Variants in SRRM4 observed in about 807,000 individuals in gnomAD.
The protein encoded by SRRM4 is serine/arginine repetitive matrix protein 4.
Under a neutral mutation model 68.9 loss-of-function variants are expected in SRRM4, and 33 were observed. The observed-to-expected ratio is 0.48, with a 90% CI of 0.36 to 0.64. SRRM4 has a LOEUF of 0.64. Among genes scored for constraint, SRRM4 ranks in the 30% least tolerant of loss-of-function variants. The probability of loss-of-function intolerance (pLI) is 0.00; values close to 1 mark genes in which losing one functional copy is unlikely to be tolerated. For missense variants in SRRM4, 817 were observed against 827.1 expected (o/e 0.99, Z 0.15); for synonymous variants, 318 against 318.8 (o/e 1.00, Z 0.03).
intron 1 of SRRM4, among the ~76,000 whole-genome samples, chr12:119,084,101 G>A (rs1953965896): frequency 1.3e-5 from 2 of 152,244 alleles, no homozygotes; most frequent in South Asian, 2.1e-4. Context: ...CTGAGGCAAA[G>A]AGAGGGAAAT....
At chr12:119,002,730 G>A (rs1043773509) in intron 1 of SRRM4, among the ~76,000 whole-genome samples, 3 of 152,216 alleles carry the variant, frequency 2.0e-5, no homozygotes, top group Non-Finnish European at 2.9e-5. Flanking sequence ...CCTAGGTACC[G>A]TGTTTGGTGC....
chr12:119,002,600 T>C (rs1953391663), intron 1 of SRRM4, among the ~76,000 whole-genome samples: 1 of 152,228 alleles, frequency 6.6e-6, no homozygotes, highest in South Asian at 2.1e-4. Context: ...AGTAAGAAGG[T>C]AGATATAAGG....
intron 5 of SRRM4, 63 bp downstream of exon 5, chr12:119,120,339 C>CT (rs201801169): frequency 2.6e-6 from 4 of 1,535,856 alleles, no homozygotes; most frequent in East Asian, 4.9e-5. Context: ...CTTGGGGCAG[C>CT]TTCTAGGTCA....
At chr12:119,078,442 A>C (rs1052373001) in intron 1 of SRRM4, among the ~76,000 whole-genome samples, 2 of 152,228 alleles carry the variant, frequency 1.3e-5, no homozygotes, top group African/African-American at 4.8e-5. Flanking sequence ...TAAGAGCCCT[A>C]GTCACTGCTG....
intron 3 of SRRM4, among the ~76,000 whole-genome samples, chr12:119,116,447 T>C (rs1954180385): frequency 6.6e-6 from 1 of 151,876 alleles, no homozygotes; most frequent in Admixed American, 6.6e-5. Context: ...GAGAGGAGGG[T>C]TGCAGCTTGA....
In SRRM4 at chr12:119,120,270, G is replaced by A. The variant is rs1409945075; in HGVS notation, c.458G>A (p.Arg153Lys). Residue 153 changes from arginine to lysine, a missense_variant, in exon 5 of 13, where the codon AGG (arginine) becomes AAG (lysine). Arg to Lys is a conservative substitution (Grantham distance 26). Transcript: ENST00000267260. ...TTCAGGTCATTCTCCAAGAAGAGAA[G>A]GCACAGGTAAGACTCTTGTTCTCTG... ...KRRRSFSKKR[R>K]HSSSSPKSKR... 6.5e-7 allele frequency: 1 copy of A among 1,549,528 alleles called. No individual in the cohort carries two copies. The highest frequency in any genetic ancestry group is 8.7e-7 in the Non-Finnish European group (1 of 1,146,274).
chr12:119,069,331 G>A (rs939839119), intron 1 of SRRM4, among the ~76,000 whole-genome samples: 1 of 152,180 alleles, frequency 6.6e-6, no homozygotes, highest in Admixed American at 6.5e-5. Context: ...ATCCCCAAGG[G>A]TGGGGCCAAG....
At chr12:119,145,717 G>A (rs568783536) in intron 9 of SRRM4, 32 bp downstream of exon 9, 23 of 1,459,360 alleles carry the variant, frequency 1.6e-5, no homozygotes, top group South Asian at 9.2e-5. Context: ...GGGGGTAGAC[G>A]GTCTCCCACC....
At chr12:119,054,076 T>C (rs941442673) in intron 1 of SRRM4, among the ~76,000 whole-genome samples, 1 of 152,180 alleles carries the variant, frequency 6.6e-6, no homozygotes, top group Non-Finnish European at 1.5e-5. Flanking sequence ...CCTTCTACTC[T>C]CTATGTCCAT....
intron 8 of SRRM4, among the ~76,000 whole-genome samples, chr12:119,140,801 C>T (rs1044988433): frequency 2.0e-5 from 3 of 152,198 alleles, no homozygotes; most frequent in South Asian, 2.1e-4. Flanking sequence ...CCAGGGTCCT[C>T]GGTCTGAGGG....
At chr12:119,087,603 G>A (rs1166194683) in intron 1 of SRRM4, among the ~76,000 whole-genome samples, 1 of 152,208 alleles carries the variant, frequency 6.6e-6, no homozygotes, top group African/African-American at 2.4e-5. Context: ...AGCTGTCGGA[G>A]GAAGCTGGCT....
At position 119,096,034 on chromosome 12, in the gene SRRM4, A is replaced by T. The variant is rs967488355; in HGVS notation, c.132-6202A>T. ...GTTCTCAGTTGATTTTTATTTATTT[A>T]TTTTTTTATGGAGTCTTGCTCTGTG... is the stretch of plus-strand genomic sequence containing the variant. On this transcript the variant is annotated intron_variant, in intron 1 of 12. Transcript: ENST00000267260. Among the ~76,000 whole-genome samples the T allele has an allele frequency of 1.3e-4, 19 of 142,332 alleles. No homozygotes were observed. The East Asian group carries it at 3.2e-3, about 24-fold the overall frequency. 93.4% of individuals were successfully genotyped at this position (142,332 alleles called of 152,430 possible).
intron 1 of SRRM4, among the ~76,000 whole-genome samples, chr12:119,037,396 G>A (rs1340173659): frequency 6.6e-6 from 1 of 152,162 alleles, no homozygotes; most frequent in Non-Finnish European, 1.5e-5. Context: ...TGGGAGGCAG[G>A]GGGAGAGACA....
intron 1 of SRRM4, chr12:119,000,805 C>T (rs1164611736): frequency 2.0e-5 from 3 of 152,156 alleles, no homozygotes; most frequent in African/African-American, 7.2e-5. Context: ...TGTTCATAGT[C>T]ATGGGATCAT....
intron 1 of SRRM4, among the ~76,000 whole-genome samples, chr12:119,061,074 C>T (rs904278779): frequency 3.3e-5 from 5 of 151,996 alleles, no homozygotes; most frequent in African/African-American, 7.3e-5. Flanking sequence ...GGCATGTGTG[C>T]GCATGTGCAC....
chr12:119,065,329 C>A (rs999203248), intron 1 of SRRM4, among the ~76,000 whole-genome samples: 5 of 152,212 alleles, frequency 3.3e-5, no homozygotes, highest in African/African-American at 1.2e-4. Flanking sequence ...GATCCCCTGA[C>A]TGAAACAGGG....
chr12:119,159,332 T>G lies in SRRM4; in HGVS notation c.*2534T>G, dbSNP rs1183864467. ...TGAATTGACACAGTGGAGTTGCAAC[T>G]TAGGTGGGGGTTGGAGTCGAAAGTT... On this transcript the variant is annotated 3_prime_UTR_variant, in exon 13 of 13. Coordinates refer to ENST00000267260, the MANE Select transcript of SRRM4 (RefSeq NM_194286.4). The G allele has an allele frequency of 1.3e-5, 2 of 152,286 alleles. No homozygotes were observed. Among genetic ancestry groups the G allele is most frequent in the African/African-American group, 4.8e-5 (2 of 41,396 alleles). The allele number at this position is 152,286 out of a possible 1,614,324, so 9.4% of individuals were successfully genotyped here.
chr12:119,125,549 A>G (rs1477369686), intron 7 of SRRM4, 70 bp downstream of exon 7: 10 of 1,355,378 alleles, frequency 7.4e-6, no homozygotes, highest in Non-Finnish European at 1.0e-5. Flanking sequence ...TGTTAACACT[A>G]GCTTCGCCTC....
intron 1 of SRRM4, among the ~76,000 whole-genome samples, chr12:119,073,093 G>GAA (rs11383655): frequency 0.032 from 4,704 of 147,786 alleles, 105 homozygotes; most frequent in East Asian, 0.1. Context: ...ACATGAAAAG[G>GAA]AAAAAAAAAA....
Sources: allele counts gnomAD v4.1 joint callset (sites outside exome capture counted in the v4.1 genomes callset), GRCh38; gene constraint gnomAD v4.1.1; transcripts MANE v1.5; gene names NCBI Gene and HGNC (gene_info 2026-07-23, HGNC 2026-07-21).